The following ITPKB variants were observed in gnomAD, a reference collection of about 807,000 sequenced individuals.
ITPKB encodes the protein IP3 3-kinase B.
A neutral mutation model predicts 69.4 loss-of-function variants in ITPKB; 13 were observed. The ratio of observed to expected loss-of-function variants is 0.19; its 90% CI spans 0.12 to 0.30. The LOEUF (loss-of-function observed/expected upper bound fraction) is 0.30, where lower values mean the gene tolerates loss of function less well. Among genes scored for constraint, ITPKB ranks in the 10% least tolerant of loss-of-function variants. The probability of loss-of-function intolerance (pLI) is 1.00; values close to 1 mark genes in which losing one functional copy is unlikely to be tolerated. For synonymous variants in ITPKB, 584 were observed against 513.7 expected (o/e 1.14, Z -1.85); for missense variants, 1,240 against 1,250.5 (o/e 0.99, Z 0.13).
chr1:226,721,125 C>T (rs1236727176), intron 2 of ITPKB, among the ~76,000 whole-genome samples: 1 of 151,356 alleles, frequency 6.6e-6, no homozygotes, highest in African/African-American at 2.4e-5. Context: ...GGGTGGATCA[C>T]CTGAGGTCGG....
intron 2 of ITPKB, among the ~76,000 whole-genome samples, chr1:226,673,570 C>T (rs539901575): frequency 3.8e-4 from 58 of 152,284 alleles, no homozygotes; most frequent in African/African-American, 1.3e-3. Flanking sequence ...CAACTCTCAC[C>T]TATAAAGGGA....
chr1:226,684,046 A>G (rs1018701731), intron 2 of ITPKB, among the ~76,000 whole-genome samples: 1 of 152,146 alleles, frequency 6.6e-6, no homozygotes, highest in African/African-American at 2.4e-5. Flanking sequence ...TGTCAGGGAA[A>G]TTTCCAATCC....
intron 5 of ITPKB, 32 bp from the exon 6 acceptor site, chr1:226,639,690 G>T: frequency 7.0e-7 from 1 of 1,418,468 alleles, no homozygotes; most frequent in Non-Finnish European, 1.0e-6. Flanking sequence ...CCAGGAGGGG[G>T]TCAGCAGGGA....
intron 2 of ITPKB, chr1:226,708,016 T>A: frequency 5.3e-6 from 3 of 570,002 alleles, no homozygotes; most frequent in Non-Finnish European, 8.2e-6. Flanking sequence ...AAGGTAGGAG[T>A]AAGATGATGT....
chr1:226,728,827 C>T (rs115198649), intron 2 of ITPKB, among the ~76,000 whole-genome samples: 181 of 152,266 alleles, frequency 1.2e-3, no homozygotes, highest in Non-Finnish European at 2.2e-3. Flanking sequence ...GAATTTCACC[C>T]AAGTCTCCTA....
chr1:226,724,761 C>G (rs1477340197), intron 2 of ITPKB, among the ~76,000 whole-genome samples: 6 of 152,236 alleles, frequency 3.9e-5, no homozygotes, highest in African/African-American at 1.4e-4. Context: ...GCCGAGCTCT[C>G]CTGACCATGT....
At chr1:226,639,371 T>C (rs1198232016) in intron 6 of ITPKB, among the ~76,000 whole-genome samples, 186 bp downstream of exon 6, 9 of 152,184 alleles carry the variant, frequency 5.9e-5, no homozygotes, top group Non-Finnish European at 1.5e-5. Flanking sequence ...CTTTGACTTT[T>C]GAAAGGGCAG....
intron 2 of ITPKB, among the ~76,000 whole-genome samples, chr1:226,703,578 C>T (rs1656728528): frequency 6.6e-6 from 1 of 152,184 alleles, no homozygotes; most frequent in Non-Finnish European, 1.5e-5. Flanking sequence ...GAGGGGGCGC[C>T]GTCTCCCGGC....
In ITPKB at chr1:226,649,492, G is replaced by A. The variant is rs141226079; in HGVS notation, c.1933-721C>T. 2.4e-3 allele frequency among the ~76,000 whole-genome samples: 364 copies of A among 151,212 alleles called. 4 individuals are homozygous for A. In the South Asian group the frequency reaches 0.032, roughly 13 times the overall value. ...CATGTATGTGCATATGTGTGCATCA[G>A]TGTGTGCATGCGTGATATGTGCATG... On this transcript the variant is annotated intron_variant, in intron 2 of 7. Transcript: ENST00000429204.
chr1:226,695,631 G>C (rs956041554), intron 2 of ITPKB, among the ~76,000 whole-genome samples: 2 of 152,206 alleles, frequency 1.3e-5, no homozygotes, highest in Admixed American at 1.3e-4. Context: ...ACCTGCCGCA[G>C]ACCTGACACT....
intron 2 of ITPKB, among the ~76,000 whole-genome samples, chr1:226,658,181 G>A (rs765746049): frequency 6.6e-6 from 1 of 152,242 alleles, no homozygotes; most frequent in South Asian, 2.1e-4. Flanking sequence ...TAAAAAAGCA[G>A]TTAGGGTTTC....
Position 226,729,864 on chromosome 1 carries a change from G to T in ITPKB, c.1932+5663C>A, listed in dbSNP as rs575179038. ...TCCACCTCAGCCTCCCAAAGTGCTG[G>T]GATTACAGGCATGAACCACCACACC... is the stretch of plus-strand genomic sequence containing the variant. On this transcript the variant is annotated intron_variant, in intron 2 of 7. Transcript: ENST00000429204. 1.1e-4 allele frequency among the ~76,000 whole-genome samples: 16 copies of T among 152,150 alleles called. 1 individual carries two copies. The highest frequency in any genetic ancestry group is 3.9e-4 in the African/African-American group (16 of 41,496).
intron 2 of ITPKB, among the ~76,000 whole-genome samples, chr1:226,711,364 C>A (rs1656945775): frequency 6.7e-6 from 1 of 149,644 alleles, no homozygotes; most frequent in South Asian, 2.1e-4. Context: ...TGGTTCCTAA[C>A]CAGATGCAGT....
In ITPKB at chr1:226,665,833, C is replaced by T. The variant is rs563843483; in HGVS notation, c.1933-17062G>A. On this transcript the variant is annotated intron_variant, in intron 2 of 7. Coordinates refer to ENST00000429204, the MANE Select transcript of ITPKB (RefSeq NM_002221.4). ...GGTTGGCGTTTGGGACTTGCAGCCA[C>T]GGCCCAGCCCAGGTGAGGCGAGGAG... Among the ~76,000 whole-genome samples the T allele has an allele frequency of 3.9e-5, 6 of 152,332 alleles. No individual in the cohort carries two copies. The South Asian group carries it at 8.3e-4, about 21-fold the overall frequency.
intron 2 of ITPKB, among the ~76,000 whole-genome samples, chr1:226,669,613 G>C (rs1272821008): frequency 6.6e-6 from 1 of 152,102 alleles, no homozygotes; most frequent in Non-Finnish European, 1.5e-5. Flanking sequence ...TATCCAAAAC[G>C]TGAAAACTCA....
intron 2 of ITPKB, among the ~76,000 whole-genome samples, chr1:226,658,223 A>G (rs1336588438): frequency 6.6e-6 from 1 of 152,162 alleles, no homozygotes; most frequent in East Asian, 1.9e-4. Flanking sequence ...CACTGGGGAA[A>G]AGCCTGGTGC....
At chr1:226,732,488 T>C (rs1657619023) in intron 2 of ITPKB, among the ~76,000 whole-genome samples, 1 of 152,094 alleles carries the variant, frequency 6.6e-6, no homozygotes, top group African/African-American at 2.4e-5. Flanking sequence ...TCCACCCGCC[T>C]TGGCCTCCGA....
chr1:226,652,429 A>G (rs1380007275), intron 2 of ITPKB, among the ~76,000 whole-genome samples: 3 of 152,218 alleles, frequency 2.0e-5, no homozygotes, highest in Non-Finnish European at 4.4e-5. Flanking sequence ...CATCCCCCAG[A>G]TAAGACAGGT....
At chr1:226,720,487 T>C (rs1489871789) in intron 2 of ITPKB, among the ~76,000 whole-genome samples, 1 of 152,226 alleles carries the variant, frequency 6.6e-6, no homozygotes, top group Admixed American at 6.5e-5. Flanking sequence ...AGTCCTGCCA[T>C]TGATCAGCTG....
Sources: gnomAD v4.1 joint callset for allele counts (sites outside exome capture counted in the v4.1 genomes callset) on GRCh38, gnomAD v4.1.1 for gene constraint, MANE v1.5 for transcripts, NCBI Gene and HGNC (gene_info 2026-07-23, HGNC 2026-07-21) for gene names.